Variants in B3GALT1 observed in about 807,000 individuals in gnomAD.
B3GALT1 encodes the protein beta-1,3-galactosyltransferase 1.
In B3GALT1, 10 loss-of-function variants were observed where a neutral mutation model predicts 23.2. The ratio of observed to expected loss-of-function variants is 0.43; its 90% CI spans 0.27 to 0.73. The LOEUF (loss-of-function observed/expected upper bound fraction) is 0.73. B3GALT1 is among the 30% of genes least tolerant of loss of function. The probability of loss-of-function intolerance (pLI) is 0.21; values close to 1 mark genes in which losing one functional copy is unlikely to be tolerated. For synonymous variants in B3GALT1, 156 were observed against 141.5 expected (o/e 1.10, Z -0.73); for missense variants, 299 against 405.4 (o/e 0.74, Z 2.25).
intron 3 of B3GALT1, among the ~76,000 whole-genome samples, chr2:167,805,976 CATT>C (rs201111179): frequency 0.036 from 5,475 of 152,058 alleles, 354 homozygotes; most frequent in African/African-American, 0.13. Context: ...AATGTTCTTC[CATT>C]TGTTTGTATC....
chr2:167,406,614 C>G lies in B3GALT1; in HGVS notation c.-510-83563C>G, dbSNP rs530865279. ...ACCTTCTTGGGTTCCCAGCAGGAGA[C>G]TTGTCCTTGCTTTAACCCACAGGAA... On this transcript the variant is annotated intron_variant, in intron 1 of 4. Transcript: ENST00000392690. 1.7e-4 allele frequency among the ~76,000 whole-genome samples: 26 copies of G among 152,242 alleles called. 1 individual carries two copies. The highest frequency in any genetic ancestry group is 3.4e-3 in the Middle Eastern group (1 of 294).
intron 2 of B3GALT1, among the ~76,000 whole-genome samples, chr2:167,548,447 G>A (rs988011317): frequency 1.3e-5 from 2 of 152,282 alleles, no homozygotes. Context: ...ATAGTAAAAA[G>A]TTAATGGAAA....
At chr2:167,598,949 G>T (rs1198921325) in intron 2 of B3GALT1, among the ~76,000 whole-genome samples, 1 of 151,952 alleles carries the variant, frequency 6.6e-6, no homozygotes, top group Non-Finnish European at 1.5e-5. Flanking sequence ...TTATCTTTTA[G>T]ACTGTCCAGT....
intron 4 of B3GALT1, among the ~76,000 whole-genome samples, chr2:167,832,868 A>G (rs949882688): frequency 6.6e-6 from 1 of 152,248 alleles, no homozygotes; most frequent in African/African-American, 2.4e-5. Context: ...GCCCAAAGCA[A>G]TCCATTACAT....
intron 2 of B3GALT1, among the ~76,000 whole-genome samples, chr2:167,566,574 A>G (rs1284894637): frequency 6.6e-6 from 1 of 152,056 alleles, no homozygotes; most frequent in Non-Finnish European, 1.5e-5. Context: ...AAAATAAAAA[A>G]GAATAACGTA....
At chr2:167,798,760 A>G (rs1349644286) in intron 3 of B3GALT1, among the ~76,000 whole-genome samples, 5 of 152,178 alleles carry the variant, frequency 3.3e-5, no homozygotes, top group South Asian at 2.1e-4. Flanking sequence ...TGTCTTGGCT[A>G]TTGAAGCTCT....
intron 4 of B3GALT1, among the ~76,000 whole-genome samples, chr2:167,848,802 C>A (rs1215045114): frequency 6.6e-6 from 1 of 152,128 alleles, no homozygotes; most frequent in Admixed American, 6.5e-5. Context: ...GGAAGTCAAA[C>A]TGTCATTGTT....
intron 2 of B3GALT1, among the ~76,000 whole-genome samples, chr2:167,602,661 A>G (rs1684896579): frequency 6.6e-6 from 1 of 152,206 alleles, no homozygotes; most frequent in Non-Finnish European, 1.5e-5. Flanking sequence ...ATTTCTAGGA[A>G]CAGTGGATTA....
intron 3 of B3GALT1, among the ~76,000 whole-genome samples, chr2:167,778,917 A>G (rs192599582): frequency 6.6e-6 from 1 of 152,344 alleles, no homozygotes; most frequent in African/African-American, 2.4e-5. Flanking sequence ...GTTAAGATAC[A>G]TAGGATCATT....
chr2:167,804,261 A>G (rs561224100), intron 3 of B3GALT1, among the ~76,000 whole-genome samples: 1 of 152,018 alleles, frequency 6.6e-6, no homozygotes, highest in Admixed American at 6.5e-5. Context: ...AAGTGCTGGG[A>G]TTACAGGCAT....
chr2:167,522,009 C>CAT (rs1057054643), intron 2 of B3GALT1, among the ~76,000 whole-genome samples: 16 of 130,298 alleles, frequency 1.2e-4, no homozygotes, highest in African/African-American at 2.9e-4. Flanking sequence ...TATATATACA[C>CAT]ATATATATAT....
chr2:167,306,619 T>A (rs1406379935), intron 1 of B3GALT1, among the ~76,000 whole-genome samples: 1 of 152,026 alleles, frequency 6.6e-6, no homozygotes, highest in Non-Finnish European at 1.5e-5. Flanking sequence ...TATAGGTGAG[T>A]TTATCACAGA....
At chr2:167,513,613 AAAT>A (rs1248767242) in intron 2 of B3GALT1, among the ~76,000 whole-genome samples, 1 of 152,176 alleles carries the variant, frequency 6.6e-6, no homozygotes, top group Non-Finnish European at 1.5e-5. Context: ...AAGCTTCAGA[AAAT>A]AAGTAAATAA....
chr2:167,438,537 C>G (rs1337253597), intron 1 of B3GALT1, among the ~76,000 whole-genome samples: 2 of 152,058 alleles, frequency 1.3e-5, no homozygotes, highest in African/African-American at 4.8e-5. Context: ...GGTGGAATTC[C>G]AAAAGAAAAC....
intron 2 of B3GALT1, among the ~76,000 whole-genome samples, chr2:167,590,128 C>T (rs993974480): frequency 2.6e-5 from 4 of 151,960 alleles, no homozygotes; most frequent in South Asian, 2.1e-4. Flanking sequence ...GGGCGGATCA[C>T]GAGGTCAGGA....
At chr2:167,357,656 C>T (rs1697437169) in intron 1 of B3GALT1, among the ~76,000 whole-genome samples, 1 of 152,146 alleles carries the variant, frequency 6.6e-6, no homozygotes, top group Non-Finnish European at 1.5e-5. Context: ...TTTCTGCTGG[C>T]AGGTTCACTA....
At chr2:167,451,375 C>G (rs1699088208) in intron 1 of B3GALT1, among the ~76,000 whole-genome samples, 1 of 152,062 alleles carries the variant, frequency 6.6e-6, no homozygotes. Flanking sequence ...ATTTTTTTGT[C>G]CCATGGAGTA....
Position 167,869,638 on chromosome 2 carries a change from G to A in B3GALT1, c.599G>A (p.Arg200Lys). The A allele has an allele frequency of 6.2e-7, 1 of 1,614,184 alleles. No homozygotes were observed. The highest frequency in any genetic ancestry group is 1.1e-5 in the South Asian group (1 of 91,076). Residue 200 changes from arginine (R) to lysine (K), a missense_variant, in exon 5 of 5, where the codon AGA (arginine) becomes AAA (lysine). Physicochemically the swap from Arg to Lys is conservative, Grantham distance 26. Transcript: ENST00000392690. The surrounding 1 kb of genome is among the most constrained non-coding windows in gnomAD (Gnocchi z 6.4). ...KLLKPSTKPR[R>K]RYFTGYVING... ...CTGAAACCCTCCACCAAGCCACGAA[G>A]AAGGTATTTTACTGGCTATGTCATT...
intron 1 of B3GALT1, among the ~76,000 whole-genome samples, chr2:167,364,803 TCTTTA>T (rs1697562076): frequency 1.3e-5 from 2 of 152,314 alleles, no homozygotes; most frequent in South Asian, 2.1e-4. Context: ...TTCTTCTTTT[TCTTTA>T]CTTTGTCCTT....
Sources: allele counts gnomAD v4.1 joint callset (sites outside exome capture counted in the v4.1 genomes callset), GRCh38; gene constraint gnomAD v4.1.1; non-coding constraint Gnocchi (gnomAD v3.1); transcripts MANE v1.5; gene names NCBI Gene and HGNC (gene_info 2026-07-23, HGNC 2026-07-21).